Variants in FKBP6 observed in about 807,000 individuals in gnomAD.
The protein encoded by FKBP6 is FKBP prolyl isomerase family member 6 (inactive).
A neutral mutation model predicts 41.7 loss-of-function variants in FKBP6; 29 were observed. The observed-to-expected ratio is 0.70, with a 90% CI of 0.52 to 0.95. FKBP6 has a LOEUF of 0.95. Among genes scored for constraint, FKBP6 ranks in the 40% least tolerant of loss-of-function variants. The pLI, the probability that FKBP6 is intolerant of heterozygous loss-of-function variation, is 0.00. For synonymous variants in FKBP6, 130 were observed against 165.1 expected (o/e 0.79, Z 1.63); for missense variants, 338 against 408.7 (o/e 0.83, Z 1.49).
intron 8 of FKBP6, among the ~76,000 whole-genome samples, chr7:73,355,324 T>A (rs532859177): frequency 1.3e-5 from 2 of 152,364 alleles, no homozygotes; most frequent in East Asian, 3.9e-4. Context: ...ACTTTGCACC[T>A]CTGTGCGATA....
chr7:73,357,480 G>A (rs1554552121), intron 8 of FKBP6, among the ~76,000 whole-genome samples: 5 of 151,478 alleles, frequency 3.3e-5, no homozygotes, highest in Non-Finnish European at 5.9e-5. Flanking sequence ...GGCTGGTCTC[G>A]AACTACTGAT....
chr7:73,329,235 C>G (rs1403638524), intron 2 of FKBP6, 125 bp from the exon 3 acceptor site: 6 of 782,638 alleles, frequency 7.7e-6, no homozygotes, highest in East Asian at 2.4e-5. Flanking sequence ...ATTCCTGTAC[C>G]TCGGGGTGTC....
chr7:73,335,973 C>T (rs782194038), intron 5 of FKBP6, among the ~76,000 whole-genome samples: 4 of 152,178 alleles, frequency 2.6e-5, no homozygotes, highest in Non-Finnish European at 4.4e-5. Flanking sequence ...ATTGTCAGCA[C>T]CACTGTGTCT....
At chr7:73,355,296 G>C (rs372801715) in intron 8 of FKBP6, among the ~76,000 whole-genome samples, 1 of 152,166 alleles carries the variant, frequency 6.6e-6, no homozygotes, top group South Asian at 2.1e-4. Flanking sequence ...CTTGAGCCAC[G>C]GATACAGCTT....
chr7:73,342,000 C>G (rs556007050), intron 7 of FKBP6, among the ~76,000 whole-genome samples: 2 of 151,962 alleles, frequency 1.3e-5, no homozygotes, highest in African/African-American at 2.4e-5. Flanking sequence ...CTGGTGCGCT[C>G]TTCCCTGCGT....
chr7:73,334,410 G>A lies in FKBP6; in HGVS notation c.588+2634G>A, dbSNP rs1409493147. 2.7e-5 allele frequency among the ~76,000 whole-genome samples: 3 copies of A among 110,698 alleles called. No individual in the cohort carries two copies. The East Asian group carries it at 7.5e-4, about 28-fold the overall frequency. 72.6% of individuals were successfully genotyped at this position (110,698 alleles called of 152,430 possible). A position where few individuals can be genotyped will look rare whatever the true frequency, so the allele number is the denominator to read the frequency against. On this transcript the variant is annotated intron_variant, in intron 5 of 8. Coordinates refer to ENST00000252037, the MANE Select transcript of FKBP6 (RefSeq NM_003602.5). ...GCTGTCCCTCCCCCCTCCCCACCTAGTTTCCATCTTTTCTCCTGTTTGTGT... is the reference window on the plus strand; with the variant it reads ...GCTGTCCCTCCCCCCTCCCCACCTAATTTCCATCTTTTCTCCTGTTTGTGT...
chr7:73,339,864 C>T (rs1805120853), intron 5 of FKBP6, among the ~76,000 whole-genome samples: 1 of 152,154 alleles, frequency 6.6e-6, no homozygotes, highest in Non-Finnish European at 1.5e-5. Context: ...CTGCCCGCCT[C>T]AGCCTCCCAA....
intron 8 of FKBP6, among the ~76,000 whole-genome samples, chr7:73,355,146 C>T (rs1457709235): frequency 6.6e-6 from 1 of 152,212 alleles, no homozygotes; most frequent in African/African-American, 2.4e-5. Flanking sequence ...GTGCCTTTTC[C>T]GAGGCCTGGG....
At chr7:73,340,499 C>T in intron 5 of FKBP6, 139 bp from the exon 6 acceptor site, 1 of 718,340 alleles carries the variant, frequency 1.4e-6, no homozygotes, top group Non-Finnish European at 2.5e-6. Context: ...AGAAATATAC[C>T]TGACTTCTTA....
At chr7:73,353,457 C>A (rs1364054847) in intron 8 of FKBP6, among the ~76,000 whole-genome samples, 2 of 152,168 alleles carry the variant, frequency 1.3e-5, no homozygotes, top group African/African-American at 2.4e-5. Flanking sequence ...TAATCCTTTC[C>A]GTCCCAGATG....
chr7:73,332,373 C>T (rs1470254901), intron 5 of FKBP6, among the ~76,000 whole-genome samples: 1 of 151,680 alleles, frequency 6.6e-6, no homozygotes, highest in Admixed American at 6.6e-5. Context: ...ATCCCAGCTA[C>T]TTGGGAGGCT....
chr7:73,335,862 G>C (rs899089863), intron 5 of FKBP6, among the ~76,000 whole-genome samples: 1 of 152,130 alleles, frequency 6.6e-6, no homozygotes, highest in Non-Finnish European at 1.5e-5. Flanking sequence ...CTTAGGGTTG[G>C]AGAAAGTAGG....
chr7:73,338,061 T>C (rs1290964034), intron 5 of FKBP6, among the ~76,000 whole-genome samples: 1 of 152,228 alleles, frequency 6.6e-6, no homozygotes, highest in African/African-American at 2.4e-5. Flanking sequence ...ACAGAGTCCC[T>C]GTTGCCCAGG....
At chr7:73,343,259 G>A (rs943322668) in intron 8 of FKBP6, among the ~76,000 whole-genome samples, 1 of 152,140 alleles carries the variant, frequency 6.6e-6, no homozygotes, top group Non-Finnish European at 1.5e-5. Flanking sequence ...AGGTTCAAGC[G>A]ATTCTTCTGC....
chr7:73,356,065 CAAAA>C (rs71925165), intron 8 of FKBP6, among the ~76,000 whole-genome samples: 108 of 32,160 alleles, frequency 3.4e-3, no homozygotes, highest in South Asian at 6.2e-3. Flanking sequence ...GACTCTGTCT[CAAAA>C]AAAAAAAAAA....
At position 73,328,329 on chromosome 7, in the gene FKBP6, G is replaced by A. The variant is rs573944420; in HGVS notation, c.-100G>A. 3 of 1,550,152 alleles carry A rather than the reference G, an allele frequency of 1.9e-6. No homozygotes were observed. The highest frequency in any genetic ancestry group is 2.0e-5 in the Admixed American group (1 of 51,008). On this transcript the variant is annotated 5_prime_UTR_variant, in exon 1 of 9. Transcript: ENST00000252037. ...TGCCGCCGTCGGTAGGGGTCTGCCG[G>A]GCATAAAGGGGCCTTCGGAACCCCA...
chr7:73,352,619 C>G (rs997781532), intron 8 of FKBP6, among the ~76,000 whole-genome samples: 1 of 152,150 alleles, frequency 6.6e-6, no homozygotes, highest in Admixed American at 6.6e-5. Context: ...CTCCCCTACG[C>G]TCCCAAGCAG....
intron 5 of FKBP6, among the ~76,000 whole-genome samples, chr7:73,334,287 A>G (rs1013652601): frequency 6.6e-6 from 1 of 152,032 alleles, no homozygotes; most frequent in Non-Finnish European, 1.5e-5. Context: ...ACTCTGGGAA[A>G]CTTTCTTGAG....
At chr7:73,336,793 A>G (rs902761224) in intron 5 of FKBP6, 7 of 456,550 alleles carry the variant, frequency 1.5e-5, no homozygotes, top group African/African-American at 1.2e-4. Flanking sequence ...TGAACCTGTT[A>G]ACAGGGTCCA....
Sources: gnomAD v4.1 joint callset for allele counts (sites outside exome capture counted in the v4.1 genomes callset) on GRCh38, gnomAD v4.1.1 for gene constraint, MANE v1.5 for transcripts, NCBI Gene and HGNC (gene_info 2026-07-23, HGNC 2026-07-21) for gene names.